Variants in CEP104 observed in about 807,000 individuals in gnomAD.
CEP104 encodes the protein centrosomal protein 104.
CEP104 carries 84 observed loss-of-function variants against 113.3 expected under a neutral mutation model. The ratio of observed to expected loss-of-function variants is 0.74; its 90% confidence interval spans 0.62 to 0.89. The LOEUF (loss-of-function observed/expected upper bound fraction) is 0.89, where lower values mean the gene tolerates loss of function less well. CEP104 is among the 40% of genes least tolerant of loss of function. CEP104 has a pLI of 0.00. For synonymous variants in CEP104, 378 were observed against 421.7 expected (o/e 0.90, Z 1.27); for missense variants, 1,053 against 1,156.6 (o/e 0.91, Z 1.30).
chr1:3,836,748 C>G, intron 9 of CEP104, 56 bp from the exon 10 acceptor site: 3 of 1,514,428 alleles, frequency 2.0e-6, no homozygotes, highest in South Asian at 1.1e-5. Flanking sequence ...GTCACATTCT[C>G]CAGTGCAACT....
At chr1:3,842,419 T>C (rs1388549794) in intron 6 of CEP104, among the ~76,000 whole-genome samples, 1 of 152,200 alleles carries the variant, frequency 6.6e-6, no homozygotes, top group Admixed American at 6.5e-5. Flanking sequence ...GAATAGCCTC[T>C]ACTCTCTGAG....
chr1:3,815,093 C>T lies in CEP104; in HGVS notation c.*309G>A, dbSNP rs34060840. ...GTGGCCTTGCGCGAGCGCCTCCCGGCGGTGCTCTCTGGCTCTCTCCAAACA... is the reference window on the plus strand; with the variant it reads ...GTGGCCTTGCGCGAGCGCCTCCCGGTGGTGCTCTCTGGCTCTCTCCAAACA... On this transcript the variant is annotated 3_prime_UTR_variant, in exon 22 of 22. Coordinates refer to ENST00000378230, the MANE Select transcript of CEP104 (RefSeq NM_014704.4). The T allele has an allele frequency of 0.13, 46,192 of 344,524 alleles. 3,674 individuals carry two copies. The highest frequency in any genetic ancestry group is 0.24 in the African/African-American group (11,230 of 46,110). The allele number at this position is 344,524 out of a possible 1,614,324, so 21.3% of individuals were successfully genotyped here.
Position 3,839,646 on chromosome 1 carries a change from C to A in CEP104, c.697G>T (p.Ala233Ser). 1 of 1,613,492 alleles carries A rather than the reference C, an allele frequency of 6.2e-7. No homozygotes were observed. The highest frequency in any genetic ancestry group is 8.5e-7 in the Non-Finnish European group (1 of 1,179,830). ...EAVQKERYDYAKKLKQAIADL... is the reference protein window; with the variant it reads ...EAVQKERYDYSKKLKQAIADL... ...GCAATGGCTTGTTTTAGTTTCTTGG[C>A]ATAATCATAGCGTTCCTTTTGGACA... The change falls in exon 7 of 22, where the codon GCC becomes TCC. Residue 233 changes from alanine to serine, a missense_variant. Ala to Ser is a moderately conservative substitution (Grantham distance 99). Coordinates refer to ENST00000378230, the MANE Select transcript of CEP104 (RefSeq NM_014704.4).
intron 15 of CEP104, among the ~76,000 whole-genome samples, chr1:3,827,293 C>A (rs1311797397): frequency 6.6e-6 from 1 of 152,162 alleles, no homozygotes; most frequent in South Asian, 2.1e-4. Context: ...CAACTCACTG[C>A]AGCTTTGGCC....
At chr1:3,844,818 C>G (rs1644477553) in intron 6 of CEP104, 89 bp downstream of exon 6, 11 of 1,096,992 alleles carry the variant, frequency 1.0e-5, no homozygotes, top group South Asian at 2.6e-5. Flanking sequence ...TTTAGAGGCT[C>G]TAAGTCCAGA....
intron 3 of CEP104, among the ~76,000 whole-genome samples, chr1:3,848,019 G>C (rs893271417): frequency 4.6e-5 from 7 of 152,084 alleles, no homozygotes; most frequent in Non-Finnish European, 1.0e-4. Context: ...ATTTTCAGTA[G>C]AGACACGGTT....
rs79859848 is a variant in CEP104 at position 3,848,718 on chromosome 1, C to T, written c.177G>A (p.Leu59=). ...TCATATACTGGTGAGCAAGTAACTG[C>T]AGTTTCCTTATTCGACATCTCTCCA... ...QMVERCRIRK[L]QLLAHQYMIS... Residue 59 remains leucine (L), a synonymous_variant, in exon 3 of 22, where the codon CTG becomes CTA. Transcript: ENST00000378230. 1,784 of 1,613,628 alleles carry T rather than the reference C, an allele frequency of 1.1e-3. 17 individuals are homozygous for T. In the African/African-American group the frequency reaches 0.021, roughly 19 times the overall value.
chr1:3,828,949 T>G (rs1405808700), intron 15 of CEP104, among the ~76,000 whole-genome samples: 5 of 152,228 alleles, frequency 3.3e-5, no homozygotes, highest in African/African-American at 1.2e-4. Flanking sequence ...TTTTCTCCTT[T>G]GCCTCTGAAG....
intron 20 of CEP104, 171 bp from the exon 21 acceptor site, chr1:3,816,541 AGCCTCT>A: frequency 1.7e-6 from 1 of 587,764 alleles, no homozygotes. Context: ...ATGTTATGAT[AGCCTCT>A]GCAGTCTGTG....
rs1440113523 is a variant in CEP104, at chr1:3,825,771, T to A, written c.2351A>T (p.Asp784Val). Residue 784 changes from aspartate (D) to valine (V), a missense_variant, in exon 18 of 22, where the codon GAC becomes GTC. Asp to Val is a radical substitution (Grantham distance 152). Transcript: ENST00000378230. ...WKHCLMLTRC[D>V]HCKQVVEISS... ...CGCTGGCCTGACCTGTTTGCAGTGG[T>A]CACATCTTGTCAGCATGAGACAGTG... 1 of 1,612,312 alleles carries A rather than the reference T, an allele frequency of 6.2e-7. No individual in the cohort carries two copies. Among genetic ancestry groups the A allele is most frequent in the African/African-American group, 1.3e-5 (1 of 74,878 alleles).
chr1:3,854,123 C>T (rs1240880249), intron 1 of CEP104, among the ~76,000 whole-genome samples: 1 of 152,144 alleles, frequency 6.6e-6, no homozygotes, highest in African/African-American at 2.4e-5. Flanking sequence ...GCCACAGCAT[C>T]TCTCTTCACC....
At chr1:3,848,547 A>AAAT in intron 3 of CEP104, 61 bp downstream of exon 3, 1 of 1,390,904 alleles carries the variant, frequency 7.2e-7, no homozygotes, top group Non-Finnish European at 9.9e-7. Flanking sequence ...AAAAAAAAAA[A>AAAT]GAGCTTTCAG....
In CEP104 at chr1:3,823,898, T is replaced by C. The variant is rs75385332; in HGVS notation, c.2365-336A>G. ...TTACAGTGTGGCCCAAGGTTGAAAT[T>C]GTGGCTCCCCACTATTTCTAAGAAT... On this transcript the variant is annotated intron_variant, in intron 18 of 21. Coordinates refer to ENST00000378230, the MANE Select transcript of CEP104 (RefSeq NM_014704.4). This position sits in a 1 kb window ranked among gnomAD's most constrained non-coding sequence, Gnocchi z 4.1. 0.022 allele frequency among the ~76,000 whole-genome samples: 3,284 copies of C among 152,278 alleles called. 73 individuals are homozygous for C. Among genetic ancestry groups the C allele is most frequent in the East Asian group, 0.1 (524 of 5,172 alleles).
At chr1:3,838,832 A>C in intron 8 of CEP104, 132 bp downstream of exon 8, 1 of 965,516 alleles carries the variant, frequency 1.0e-6, no homozygotes, top group South Asian at 1.5e-5. Context: ...GAGGCCATCC[A>C]TAACTGTCCC....
At chr1:3,824,320 A>G (rs1644041808) in intron 18 of CEP104, among the ~76,000 whole-genome samples, 1 of 152,138 alleles carries the variant, frequency 6.6e-6, no homozygotes, top group Non-Finnish European at 1.5e-5. Flanking sequence ...TCCTGACCTC[A>G]GGTGATCCGC....
At chr1:3,822,326 T>C (rs191799920) in intron 20 of CEP104, among the ~76,000 whole-genome samples, 65 of 152,294 alleles carry the variant, frequency 4.3e-4, no homozygotes, top group African/African-American at 1.6e-3. Context: ...CTGTCTTCTC[T>C]GTTTGGTGTG....
At chr1:3,837,900 A>T (rs570318856) in intron 8 of CEP104, among the ~76,000 whole-genome samples, 8 of 152,388 alleles carry the variant, frequency 5.2e-5, no homozygotes, top group African/African-American at 1.9e-4. Context: ...AAAATCTGGC[A>T]CTGCTATTCA....
In CEP104 at chr1:3,845,334, T is replaced by G; in HGVS notation, c.444A>C (p.Ile148=). 2 of 1,608,058 alleles carry G rather than the reference T, an allele frequency of 1.2e-6. No homozygotes were observed. Among genetic ancestry groups the G allele is most frequent in the Non-Finnish European group, 1.7e-6 (2 of 1,175,360 alleles). The part of the protein sequence containing the change: ...NIYNQVALVA[I]NIIGDPADFS... ...AATCTGCAGGGTCTCCAATGATATT[T>G]ATGGCAACCAAAGCAACCTAAGAAA... is the stretch of plus-strand genomic sequence containing the variant. Residue 148 remains isoleucine, a synonymous_variant, in exon 5 of 22, where the codon ATA becomes ATC. Transcript: ENST00000378230.
chr1:3,842,552 G>T (rs1209535853), intron 6 of CEP104, among the ~76,000 whole-genome samples: 1 of 152,224 alleles, frequency 6.6e-6, no homozygotes, highest in South Asian at 2.1e-4. Context: ...CAAATCGCAT[G>T]TGGCTCCTGA....
Sources: gnomAD v4.1 joint callset for allele counts (sites outside exome capture counted in the v4.1 genomes callset) on GRCh38, gnomAD v4.1.1 for gene constraint, Gnocchi (gnomAD v3.1) non-coding constraint, MANE v1.5 for transcripts, NCBI Gene and HGNC (gene_info 2026-07-23, HGNC 2026-07-21) for gene names.